Variants in TSBP1 observed in about 807,000 individuals in gnomAD.
TSBP1 encodes the protein testis-expressed basic protein 1.
A neutral mutation model predicts 68.8 loss-of-function variants in TSBP1; 56 were observed. The ratio of observed to expected loss-of-function variants is 0.81; its 90% CI spans 0.66 to 1.02. TSBP1 has a LOEUF of 1.02. TSBP1 is among the 50% of genes least tolerant of loss of function. The pLI is 0.00. For synonymous variants in TSBP1, 171 were observed against 208.7 expected, an observed-to-expected ratio of 0.82 and a Z score of 1.56; for missense variants, 502 against 641.2, an observed-to-expected ratio of 0.78 and a Z score of 2.34.
At chr6:32,363,735 GTC>G (rs1483997001) in intron 6 of TSBP1, among the ~76,000 whole-genome samples, 5 of 151,468 alleles carry the variant, frequency 3.3e-5, no homozygotes, top group Admixed American at 6.6e-5. Flanking sequence ...TTAATATTTT[GTC>G]TTTTAACTTT....
In TSBP1 at chr6:32,314,050, T is replaced by C. The variant is rs1347371532; in HGVS notation, c.580+1722A>G. Among the ~76,000 whole-genome samples, 1 of 152,116 alleles carries C rather than the reference T, an allele frequency of 6.6e-6. No individual in the cohort carries two copies. On this transcript the variant is annotated intron_variant, in intron 19 of 22. Transcript: ENST00000612031. The surrounding 1 kb of genome is among the most constrained non-coding windows in gnomAD (Gnocchi z 4.2). The stretch of plus-strand genomic sequence containing the variant: ...CTGAGGCAAAGCTGCTACCTCTGTT[T>C]CCTCATCCCCTCACCATTCCTCCCA...
intron 18 of TSBP1, among the ~76,000 whole-genome samples, chr6:32,319,719 A>G (rs580921): frequency 0.31 from 46,816 of 151,426 alleles, 8,236 homozygotes; most frequent in Middle Eastern, 0.42. Context: ...TTATTTTTCT[A>G]CATGAATTTA....
chr6:32,297,683 CT>C (rs1261027467), intron 22 of TSBP1, among the ~76,000 whole-genome samples: 1 of 152,144 alleles, frequency 6.6e-6, no homozygotes, highest in Non-Finnish European at 1.5e-5. Flanking sequence ...ACTCAGTTTG[CT>C]GGGATGATGA....
chr6:32,316,376 A>T lies in TSBP1; in HGVS notation c.560-584T>A, dbSNP rs1350069598. 1 of 1,570,620 alleles carries T rather than the reference A, an allele frequency of 6.4e-7. No homozygotes were observed. The highest frequency in any genetic ancestry group is 2.3e-5 in the East Asian group (1 of 43,392). On this transcript the variant is annotated intron_variant, in intron 18 of 22. Coordinates refer to ENST00000612031, the Ensembl canonical transcript of TSBP1. This position sits in a 1 kb window ranked among gnomAD's most constrained non-coding sequence, Gnocchi z 4.5. ...GGACCAAAGAGAACCAAAGTAGAAA[A>T]AGACATGTAATACTTACTTATAGGT... is the stretch of plus-strand genomic sequence containing the variant.
In TSBP1 at chr6:32,355,158, A is replaced by G. The variant is rs1481383704; in HGVS notation, c.239-14T>C. The G allele has an allele frequency of 6.2e-7, 1 of 1,611,864 alleles. No individual in the cohort carries two copies. Among genetic ancestry groups the G allele is most frequent in the Admixed American group, 1.7e-5 (1 of 59,990 alleles). ...TGGTTGATGGTGCTAAAATACACACACAGAAAACATGAGGTGAATCATGAG... is the reference window on the plus strand; with the variant it reads ...TGGTTGATGGTGCTAAAATACACACGCAGAAAACATGAGGTGAATCATGAG... On this transcript the variant is annotated splice_polypyrimidine_tract_variant and intron_variant, in intron 7 of 22. Coordinates refer to ENST00000612031, the Ensembl canonical transcript of TSBP1.
At chr6:32,330,783 G>A (rs1042187461) in intron 15 of TSBP1, among the ~76,000 whole-genome samples, 174 bp from the exon 17 acceptor site, 2 of 152,046 alleles carry the variant, frequency 1.3e-5, no homozygotes, top group Non-Finnish European at 2.9e-5. Flanking sequence ...GGATTCTCGT[G>A]CCTCAGCCTC....
chr6:32,315,867 G>A lies in TSBP1; in HGVS notation c.560-75C>T, dbSNP rs1294961131. The A allele has an allele frequency of 1.1e-5, 11 of 991,466 alleles. No homozygotes were observed. The highest frequency in any genetic ancestry group is 1.6e-5 in the South Asian group (1 of 63,592). 61.4% of individuals were successfully genotyped at this position (991,466 alleles called of 1,614,324 possible). ...AACATAGCATTATCTAACATATTTT[G>A]TTGGAGTCTGTGAGGGGAGGACTTG... is the stretch of plus-strand genomic sequence containing the variant. On this transcript the variant is annotated intron_variant, in intron 18 of 22. Coordinates refer to ENST00000612031, the Ensembl canonical transcript of TSBP1. The surrounding 1 kb of genome is among the most constrained non-coding windows in gnomAD (Gnocchi z 5.4).
rs1321725688 is a variant in TSBP1 at position 32,304,840 on chromosome 6, G to C, written c.581-2211C>G. ...TTTATGAGAATTTAAAACTCTTCAA[G>C]AGTTAGTAATACTTATTTTAAGTTT... On this transcript the variant is annotated intron_variant, in intron 19 of 22. Transcript: ENST00000612031. This position sits in a 1 kb window ranked among gnomAD's most constrained non-coding sequence, Gnocchi z 4.8. Among the ~76,000 whole-genome samples, 1 of 144,372 alleles carries C rather than the reference G, an allele frequency of 6.9e-6. No individual in the cohort carries two copies. Among genetic ancestry groups the C allele is most frequent in the East Asian group, 2.0e-4 (1 of 4,936 alleles). 94.7% of individuals were successfully genotyped at this position (144,372 alleles called of 152,430 possible). A position where few individuals can be genotyped will look rare whatever the true frequency, so the allele number is the denominator to read the frequency against.
chr6:32,326,727 G>A (rs189503095), intron 16 of TSBP1, among the ~76,000 whole-genome samples: 156 of 152,316 alleles, frequency 1.0e-3, no homozygotes, highest in African/African-American at 3.2e-3. Flanking sequence ...GCTAGTTTTC[G>A]TACTACTTTC....
Position 32,310,761 on chromosome 6 carries a change from A to ATATATATATTT in TSBP1, c.580+5010_580+5011insAAATATATATA. On this transcript the variant is annotated intron_variant, in intron 19 of 22. Transcript: ENST00000612031. ...TATATATACATATATATATATATAT[A>ATATATATATTT]TTTTTAATCTTTTTAGAAAGGATAG... Among the ~76,000 whole-genome samples the ATATATATATTT allele has an allele frequency of 4.6e-4, 67 of 144,830 alleles. 1 individual carries two copies. The East Asian group carries it at 4.8e-3, about 10-fold the overall frequency.
chr6:32,298,557 C>T (rs1422347444), intron 22 of TSBP1, among the ~76,000 whole-genome samples: 2 of 151,710 alleles, frequency 1.3e-5, no homozygotes, highest in Admixed American at 6.6e-5. Context: ...CCAGCTTGGG[C>T]GACAAGAACG....
chr6:32,312,467 A>G (rs545308566), intron 19 of TSBP1, among the ~76,000 whole-genome samples: 1 of 152,340 alleles, frequency 6.6e-6, no homozygotes, highest in South Asian at 2.1e-4. Context: ...TAAATAATTT[A>G]GCATAACTAG....
rs559999240 is a variant in TSBP1, at chr6:32,320,424, A to G, written c.559+2693T>C. The stretch of plus-strand genomic sequence containing the variant: ...ATATTTTCTGCTACTGGCTTTACTC[A>G]GAGGGGCCTAATTTCAGTTTTCCGC... On this transcript the variant is annotated intron_variant, in intron 18 of 22. Coordinates refer to ENST00000612031, the Ensembl canonical transcript of TSBP1. Among the ~76,000 whole-genome samples, 42 of 152,172 alleles carry G rather than the reference A, an allele frequency of 2.8e-4. 1 individual carries two copies. The highest frequency in any genetic ancestry group is 2.7e-3 in the Admixed American group (41 of 15,278).
At chr6:32,346,859 C>T (rs1302179409) in intron 9 of TSBP1, among the ~76,000 whole-genome samples, 1 of 151,934 alleles carries the variant, frequency 6.6e-6, no homozygotes, top group Admixed American at 6.6e-5. Context: ...AATACTGTAT[C>T]TCAGATGTTG....
At chr6:32,360,884 T>TC (rs72548043) in intron 6 of TSBP1, among the ~76,000 whole-genome samples, 80 of 40,448 alleles carry the variant, frequency 2.0e-3, no homozygotes, top group African/African-American at 3.5e-3. Context: ...TCTCTCTCTC[T>TC]TTTTTTTTAT....
chr6:32,329,335 AGC>A (rs1768653464), intron 16 of TSBP1, among the ~76,000 whole-genome samples: 1 of 152,148 alleles, frequency 6.6e-6, no homozygotes, highest in African/African-American at 2.4e-5. Flanking sequence ...CCCTTCCTTT[AGC>A]CCCAGTGAGA....
At chr6:32,329,989 T>C (rs1161829797) in intron 16 of TSBP1, among the ~76,000 whole-genome samples, 1 of 151,912 alleles carries the variant, frequency 6.6e-6, no homozygotes, top group Non-Finnish European at 1.5e-5. Flanking sequence ...TCCTGTTCCA[T>C]GAGGTGCTCT....
intron 15 of TSBP1, 26 bp from the exon 17 acceptor site, chr6:32,330,635 A>AC (rs1768885241): frequency 3.5e-6 from 4 of 1,134,682 alleles, no homozygotes; most frequent in Non-Finnish European, 3.7e-6. Flanking sequence ...AAACAAATTA[A>AC]ACACACACAC....
rs1327837599 is a variant in TSBP1, at chr6:32,330,625, AAACAAATT to A, written c.494-24_494-17del. The A allele has an allele frequency of 6.4e-7, 1 of 1,564,348 alleles. No individual in the cohort carries two copies. Among genetic ancestry groups the A allele is most frequent in the South Asian group, 1.1e-5 (1 of 86,964 alleles). On this transcript the variant is annotated splice_polypyrimidine_tract_variant and intron_variant, in intron 15 of 22. Transcript: ENST00000612031. ...GGATATTGTACTAAAAAATAGAAACAAACAAATTAAACACACACACACACACACACACA... is the reference window on the plus strand; with the variant it reads ...GGATATTGTACTAAAAAATAGAAACAAAACACACACACACACACACACACA...
Sources: allele counts gnomAD v4.1 joint callset (sites outside exome capture counted in the v4.1 genomes callset), GRCh38; gene constraint gnomAD v4.1.1; non-coding constraint Gnocchi (gnomAD v3.1); transcripts MANE v1.5; gene names NCBI Gene and HGNC (gene_info 2026-07-23, HGNC 2026-07-21).